Variants in UNC5D observed in about 807,000 individuals in gnomAD.
The protein encoded by UNC5D is unc-5 netrin receptor D, also known as netrin receptor UNC5D.
UNC5D carries 39 observed loss-of-function variants against 105.4 expected under a neutral mutation model. The observed-to-expected ratio is 0.37, with a 90% confidence interval of 0.29 to 0.48. The LOEUF is 0.48. Ranked by LOEUF, UNC5D falls within the 20% of genes least tolerant of loss-of-function variation. UNC5D has a pLI of 0.98. For missense variants in UNC5D, 991 were observed against 1,202.4 expected (o/e 0.82, Z 2.60); for synonymous variants, 452 against 450.4 (o/e 1.00, Z -0.04).
At chr8:35,374,912 TAAAC>T (rs1255776192) in intron 1 of UNC5D, among the ~76,000 whole-genome samples, 1 of 152,226 alleles carries the variant, frequency 6.6e-6, no homozygotes, top group Non-Finnish European at 1.5e-5. Context: ...AATTTTCACA[TAAAC>T]GAACTTTCTA....
At chr8:35,394,923 C>T (rs1406748681) in intron 1 of UNC5D, among the ~76,000 whole-genome samples, 1 of 152,066 alleles carries the variant, frequency 6.6e-6, no homozygotes, top group African/African-American at 2.4e-5. Flanking sequence ...TTTTGTATCC[C>T]AGAAACAAGC....
At chr8:35,538,437 A>G (rs951404232) in intron 1 of UNC5D, among the ~76,000 whole-genome samples, 2 of 135,326 alleles carry the variant, frequency 1.5e-5, no homozygotes, top group Non-Finnish European at 3.2e-5. Flanking sequence ...ATATATATAT[A>G]TATGAATTTT....
chr8:35,320,372 G>C (rs923914790), intron 1 of UNC5D, among the ~76,000 whole-genome samples: 1 of 151,936 alleles, frequency 6.6e-6, no homozygotes, highest in African/African-American at 2.4e-5. Context: ...GCAGATGAAG[G>C]CTTCAGGTTC....
At chr8:35,664,864 G>A (rs568149831) in intron 4 of UNC5D, among the ~76,000 whole-genome samples, 1 of 151,768 alleles carries the variant, frequency 6.6e-6, no homozygotes, top group Non-Finnish European at 1.5e-5. Context: ...TATTTATTTA[G>A]AGATGGGTCT....
At chr8:35,642,253 G>T (rs1297332057) in intron 4 of UNC5D, among the ~76,000 whole-genome samples, 1 of 152,130 alleles carries the variant, frequency 6.6e-6, no homozygotes, top group Admixed American at 6.6e-5. Context: ...TGTGAAATTA[G>T]CCACATTATC....
intron 1 of UNC5D, among the ~76,000 whole-genome samples, chr8:35,336,941 C>T (rs544444401): frequency 3.3e-5 from 5 of 152,144 alleles, no homozygotes; most frequent in East Asian, 1.9e-4. Flanking sequence ...CAGATGCCAG[C>T]GAGCAGTTGC....
At chr8:35,692,155 A>G (rs1248185568) in intron 7 of UNC5D, among the ~76,000 whole-genome samples, 1 of 152,228 alleles carries the variant, frequency 6.6e-6, no homozygotes, top group Non-Finnish European at 1.5e-5. Context: ...AGTGATAAGA[A>G]AAGTTTGAGT....
intron 4 of UNC5D, among the ~76,000 whole-genome samples, chr8:35,679,454 A>G (rs999418635): frequency 6.6e-6 from 1 of 152,170 alleles, no homozygotes; most frequent in Admixed American, 6.6e-5. Flanking sequence ...ATCAGTAGGT[A>G]TGAAGGCTCT....
intron 1 of UNC5D, among the ~76,000 whole-genome samples, chr8:35,547,458 C>T (rs1296975649): frequency 2.0e-5 from 3 of 152,032 alleles, no homozygotes; most frequent in African/African-American, 7.2e-5. Context: ...GCCACCATGC[C>T]TGGATACTAT....
chr8:35,668,169 A>G (rs1824553948), intron 4 of UNC5D, among the ~76,000 whole-genome samples: 1 of 152,174 alleles, frequency 6.6e-6, no homozygotes, highest in African/African-American at 2.4e-5. Context: ...GTAAGGATGA[A>G]TGACTTTTCA....
chr8:35,767,051 G>A lies in UNC5D; in HGVS notation c.2463G>A (p.Gln821=). The A allele has an allele frequency of 6.2e-7, 1 of 1,613,306 alleles. No homozygotes were observed. The highest frequency in any genetic ancestry group is 1.1e-5 in the South Asian group (1 of 90,998). Residue 821 remains glutamine (Q), a synonymous_variant, in exon 15 of 17, where the codon CAG becomes CAA. Transcript: ENST00000404895. The part of the protein sequence containing the change: ...LKGHEQILQV[Q]TSILESERET... ...GCCATGAACAGATCCTCCAAGTGCA[G>A]ACATCAATCCTAGAGGTGAGTCCTT...
intron 14 of UNC5D, among the ~76,000 whole-genome samples, chr8:35,759,865 A>G (rs1002240912): frequency 6.6e-6 from 1 of 152,168 alleles, no homozygotes; most frequent in Admixed American, 6.5e-5. Flanking sequence ...AATGTCAGTG[A>G]GGAACTTCTT....
chr8:35,407,456 A>G (rs959369717), intron 1 of UNC5D, among the ~76,000 whole-genome samples: 1 of 152,132 alleles, frequency 6.6e-6, no homozygotes, highest in Non-Finnish European at 1.5e-5. Context: ...GGATCTGATC[A>G]CTTTCTCAGA....
intron 11 of UNC5D, among the ~76,000 whole-genome samples, chr8:35,740,420 T>A (rs1390223829): frequency 1.3e-5 from 2 of 152,160 alleles, no homozygotes; most frequent in Non-Finnish European, 2.9e-5. Context: ...AGAAACTGGA[T>A]TCTCCTAGAA....
intron 1 of UNC5D, among the ~76,000 whole-genome samples, chr8:35,415,858 T>C (rs561708673): frequency 9.6e-4 from 146 of 152,186 alleles, no homozygotes; most frequent in Non-Finnish European, 1.8e-3. Context: ...ACCAGAAAAG[T>C]AAACTACAGT....
chr8:35,442,286 G>C (rs1174308592), intron 1 of UNC5D, among the ~76,000 whole-genome samples: 4 of 151,828 alleles, frequency 2.6e-5, no homozygotes, highest in African/African-American at 9.7e-5. Context: ...TACTACACAT[G>C]AATATATTTA....
At chr8:35,458,840 C>T (rs1808677831) in intron 1 of UNC5D, among the ~76,000 whole-genome samples, 1 of 152,136 alleles carries the variant, frequency 6.6e-6, no homozygotes, top group Admixed American at 6.6e-5. Flanking sequence ...GGCTGGTAAA[C>T]AATTTTCTTC....
chr8:35,253,525 C>T (rs1351342776), intron 1 of UNC5D, among the ~76,000 whole-genome samples: 23 of 129,242 alleles, frequency 1.8e-4, no homozygotes, highest in African/African-American at 6.1e-4. Flanking sequence ...CTTGCTCTGT[C>T]GCCCAGGCTG....
chr8:35,271,883 T>C (rs550927019), intron 1 of UNC5D, among the ~76,000 whole-genome samples: 242 of 152,056 alleles, frequency 1.6e-3, no homozygotes, highest in Non-Finnish European at 3.0e-3. Context: ...TGAGTAGATA[T>C]GTTTGAAATA....
Sources: gnomAD v4.1 joint callset for allele counts (sites outside exome capture counted in the v4.1 genomes callset) on GRCh38, gnomAD v4.1.1 for gene constraint, MANE v1.5 for transcripts, NCBI Gene and HGNC (gene_info 2026-07-23, HGNC 2026-07-21) for gene names.